UST: variants seen among roughly 807,000 people sequenced by gnomAD.
UST encodes chondroitin sulfate 2-O-sulfotransferase.
A neutral mutation model predicts 45.6 loss-of-function variants in UST; 21 were observed. The ratio of observed to expected loss-of-function variants is 0.46; its 90% confidence interval spans 0.33 to 0.66. UST has a LOEUF of 0.66. UST is among the 30% of genes least tolerant of loss of function. The pLI, the probability that UST is intolerant of heterozygous loss-of-function variation, is 0.02. For missense variants in UST, 463 were observed against 512.4 expected (o/e 0.90, Z 0.93); for synonymous variants, 215 against 200.6 (o/e 1.07, Z -0.61).
At chr6:148,805,790 T>C (rs1443847260) in intron 1 of UST, among the ~76,000 whole-genome samples, 3 of 152,206 alleles carry the variant, frequency 2.0e-5, no homozygotes, top group Non-Finnish European at 2.9e-5. Flanking sequence ...TGGTGAATGA[T>C]TGGAACACCC....
chr6:149,022,755 C>T (rs1775997860), intron 7 of UST, among the ~76,000 whole-genome samples: 1 of 152,164 alleles, frequency 6.6e-6, no homozygotes, highest in South Asian at 2.1e-4. Context: ...AGCCCTGGAT[C>T]CCGTTGCACA....
At chr6:149,055,142 A>T (rs1776544366) in intron 7 of UST, among the ~76,000 whole-genome samples, 1 of 152,142 alleles carries the variant, frequency 6.6e-6, no homozygotes, top group African/African-American at 2.4e-5. Context: ...AGTAAAGGTT[A>T]CTAGAAAGTC....
intron 1 of UST, among the ~76,000 whole-genome samples, chr6:148,871,382 T>G (rs1778557548): frequency 1.3e-5 from 2 of 152,134 alleles, no homozygotes; most frequent in Non-Finnish European, 2.9e-5. Context: ...TCCAGCACAA[T>G]GCCCAGCATA....
intron 2 of UST, among the ~76,000 whole-genome samples, chr6:148,922,753 A>G (rs550136600): frequency 3.8e-4 from 58 of 151,484 alleles, no homozygotes; most frequent in African/African-American, 1.3e-3. Context: ...GATTACAGGC[A>G]TGAGCCACCA....
intron 4 of UST, among the ~76,000 whole-genome samples, chr6:148,955,393 A>G (rs1455872684): frequency 6.6e-6 from 1 of 152,246 alleles, no homozygotes; most frequent in African/African-American, 2.4e-5. Context: ...TTAAGCAGAG[A>G]AAAGGAGCTG....
At position 148,977,156 on chromosome 6, in the gene UST, T is replaced by A. The variant is rs1045526141; in HGVS notation, c.681+12593T>A. Among the ~76,000 whole-genome samples, 10 of 151,940 alleles carry A rather than the reference T, an allele frequency of 6.6e-5. No homozygotes were observed. In the South Asian group the frequency reaches 1.9e-3, roughly 28 times the overall value. ...ATCACCTTTATTATATGAGAAATTC[T>A]TGGTTTTAGAGGGATCTGTTTTTTC... is the stretch of plus-strand genomic sequence containing the variant. On this transcript the variant is annotated intron_variant, in intron 5 of 7. Coordinates refer to ENST00000367463, the MANE Select transcript of UST (RefSeq NM_005715.3).
chr6:148,878,277 T>TGCGG (rs1778743079), intron 1 of UST, among the ~76,000 whole-genome samples: 1 of 48,956 alleles, frequency 2.0e-5, no homozygotes, highest in Non-Finnish European at 3.6e-5. Flanking sequence ...CGTGTATGAG[T>TGCGG]ACGGGGGATC....
chr6:148,831,278 A>C (rs562566811), intron 1 of UST, among the ~76,000 whole-genome samples: 1 of 152,272 alleles, frequency 6.6e-6, no homozygotes, highest in East Asian at 1.9e-4. Context: ...CAGATGAAAA[A>C]ATTCAGGTGC....
chr6:149,026,405 G>A (rs925989690), intron 7 of UST, among the ~76,000 whole-genome samples: 7 of 152,176 alleles, frequency 4.6e-5, no homozygotes, highest in African/African-American at 1.4e-4. Flanking sequence ...AAATGTGTAA[G>A]TAAGGGGCAA....
chr6:148,922,030 G>A (rs554116649), intron 2 of UST, among the ~76,000 whole-genome samples: 11 of 152,204 alleles, frequency 7.2e-5, no homozygotes, highest in Non-Finnish European at 1.3e-4. Context: ...GGAGAAGAGA[G>A]CACTGGAAAG....
chr6:148,984,434 C>T (rs370417754), intron 5 of UST, among the ~76,000 whole-genome samples: 7 of 152,104 alleles, frequency 4.6e-5, no homozygotes, highest in African/African-American at 1.4e-4. Context: ...ATCATCAAAG[C>T]CCTTAAAAAG....
At chr6:149,058,863 G>C (rs192497844) in intron 7 of UST, among the ~76,000 whole-genome samples, 2 of 151,930 alleles carry the variant, frequency 1.3e-5, no homozygotes, top group Non-Finnish European at 2.9e-5. Flanking sequence ...TATATAAGCC[G>C]GTATTTTAGT....
At chr6:148,916,065 A>G (rs914973978) in intron 2 of UST, among the ~76,000 whole-genome samples, 2 of 150,954 alleles carry the variant, frequency 1.3e-5, no homozygotes, top group Non-Finnish European at 3.0e-5. Flanking sequence ...AAAGTAAATG[A>G]TCTATTCAGC....
At chr6:148,941,682 T>A (rs1384471078) in intron 3 of UST, among the ~76,000 whole-genome samples, 1 of 152,238 alleles carries the variant, frequency 6.6e-6, no homozygotes, top group African/African-American at 2.4e-5. Context: ...GTACTTGCCC[T>A]TGTCTAGTTA....
At chr6:148,855,994 A>G (rs1778196842) in intron 1 of UST, among the ~76,000 whole-genome samples, 1 of 151,190 alleles carries the variant, frequency 6.6e-6, no homozygotes, top group Non-Finnish European at 1.5e-5. Flanking sequence ...AATTGCTTAC[A>G]GCTGAAAAAT....
chr6:148,950,842 G>A (rs952788333), intron 3 of UST, among the ~76,000 whole-genome samples: 1 of 152,106 alleles, frequency 6.6e-6, no homozygotes, highest in Non-Finnish European at 1.5e-5. Context: ...TCACCCACAA[G>A]ACTCTGACAG....
chr6:148,837,021 C>A (rs1166712962), intron 1 of UST, among the ~76,000 whole-genome samples: 1 of 152,130 alleles, frequency 6.6e-6, no homozygotes, highest in Non-Finnish European at 1.5e-5. Flanking sequence ...GAACAGAATT[C>A]TAGATCATTC....
intron 1 of UST, among the ~76,000 whole-genome samples, chr6:148,820,852 CAAA>C (rs1212781868): frequency 1.5e-5 from 1 of 66,674 alleles, no homozygotes; most frequent in African/African-American, 5.0e-5. Context: ...GACTCCATCT[CAAA>C]AAAAAAAAAA....
chr6:148,829,101 G>A (rs1167533236), intron 1 of UST, among the ~76,000 whole-genome samples: 1 of 152,110 alleles, frequency 6.6e-6, no homozygotes, highest in Non-Finnish European at 1.5e-5. Context: ...TCTAGCTGAG[G>A]GTACCCAGGG....
Sources: gnomAD v4.1 joint callset for allele counts (sites outside exome capture counted in the v4.1 genomes callset) on GRCh38, gnomAD v4.1.1 for gene constraint, MANE v1.5 for transcripts, NCBI Gene and HGNC (gene_info 2026-07-23, HGNC 2026-07-21) for gene names.